Variants in KIAA1217 observed in about 807,000 individuals in gnomAD.
The protein encoded by KIAA1217 is KIAA1217, also known as sickle tail protein homolog.
A neutral mutation model predicts 163.9 loss-of-function variants in KIAA1217; 88 were observed. The observed-to-expected ratio is 0.54, with a 90% CI of 0.45 to 0.64. The LOEUF is 0.64. Among genes scored for constraint, KIAA1217 ranks in the 30% least tolerant of loss-of-function variants. KIAA1217 has a pLI of 0.00. For missense variants in KIAA1217, 2,372 were observed against 2,475.0 expected, an observed-to-expected ratio of 0.96 and a Z score of 0.88; for synonymous variants, 903 against 923.1, an observed-to-expected ratio of 0.98 and a Z score of 0.39.
At chr10:24,227,775 A>G (rs2070795955) in intron 2 of KIAA1217, among the ~76,000 whole-genome samples, 1 of 151,704 alleles carries the variant, frequency 6.6e-6, no homozygotes. Flanking sequence ...CTCATGATCC[A>G]CCCACCTCGG....
intron 1 of KIAA1217, among the ~76,000 whole-genome samples, chr10:23,936,764 G>C (rs1843545820): frequency 6.6e-6 from 1 of 152,190 alleles, no homozygotes; most frequent in Non-Finnish European, 1.5e-5. Flanking sequence ...ATACATTTCT[G>C]TTGTTTCAGG....
At chr10:23,792,549 G>C (rs1034005545) in intron 1 of KIAA1217, among the ~76,000 whole-genome samples, 1 of 151,788 alleles carries the variant, frequency 6.6e-6, no homozygotes, top group Non-Finnish European at 1.5e-5. Flanking sequence ...CTGGAGTGCA[G>C]TGATGCGATC....
chr10:24,248,725 T>C (rs2074140534), intron 2 of KIAA1217, among the ~76,000 whole-genome samples: 1 of 151,116 alleles, frequency 6.6e-6, no homozygotes, highest in Admixed American at 6.6e-5. Flanking sequence ...CCTTACCTCT[T>C]GCTAATTTGC....
At chr10:23,937,010 CTAGGACCA>C (rs1843559372) in intron 1 of KIAA1217, among the ~76,000 whole-genome samples, 1 of 152,092 alleles carries the variant, frequency 6.6e-6, no homozygotes, top group South Asian at 2.1e-4. Context: ...ACATGAGTAG[CTAGGACCA>C]TAGGCACCTG....
intron 1 of KIAA1217, among the ~76,000 whole-genome samples, chr10:23,900,347 C>T (rs912485601): frequency 5.9e-5 from 9 of 152,038 alleles, no homozygotes; most frequent in Non-Finnish European, 8.8e-5. Context: ...GTTGATTTTA[C>T]AATCCGCAGC....
intron 2 of KIAA1217, among the ~76,000 whole-genome samples, chr10:24,109,108 G>A (rs2062742461): frequency 6.6e-6 from 1 of 152,296 alleles, no homozygotes; most frequent in East Asian, 1.9e-4. Context: ...TGGTATTACA[G>A]GCATGAGCTA....
At position 24,316,288 on chromosome 10, in the gene KIAA1217, A is replaced by C. The variant is rs577793076; in HGVS notation, c.355-64581A>C. On this transcript the variant is annotated intron_variant, in intron 2 of 20. Transcript: ENST00000376454. Reference sequence around the variant, plus strand: ...GTTATATAGTATTATGTGTGTGTTTAAGGGCAGAGGGATGGTGTTATCTAA... The same window carrying C: ...GTTATATAGTATTATGTGTGTGTTTCAGGGCAGAGGGATGGTGTTATCTAA... Among the ~76,000 whole-genome samples the C allele has an allele frequency of 9.8e-4, 149 of 152,268 alleles. 1 individual carries two copies. In the Middle Eastern group the frequency reaches 0.027, roughly 28 times the overall value.
At chr10:23,927,056 T>C (rs1329066121) in intron 1 of KIAA1217, among the ~76,000 whole-genome samples, 1 of 151,736 alleles carries the variant, frequency 6.6e-6, no homozygotes. Context: ...CACAGGCATG[T>C]ACCACCATGC....
chr10:24,010,980 T>C (rs1462084546), intron 2 of KIAA1217, among the ~76,000 whole-genome samples: 1 of 152,088 alleles, frequency 6.6e-6, no homozygotes, highest in Non-Finnish European at 1.5e-5. Context: ...ATAAGTCCAA[T>C]CTCTCCTTAA....
At chr10:23,940,610 A>G (rs766417706) in intron 1 of KIAA1217, among the ~76,000 whole-genome samples, 2 of 152,202 alleles carry the variant, frequency 1.3e-5, no homozygotes, top group Non-Finnish European at 2.9e-5. Context: ...ATGTATAAAC[A>G]TTCTTTCCCA....
intron 5 of KIAA1217, chr10:24,466,438 A>T: frequency 1.4e-6 from 1 of 720,944 alleles, no homozygotes; most frequent in Middle Eastern, 7.1e-4. Context: ...CCCGTGAGGT[A>T]GCCTGTGGTT....
rs530359014 is a variant in KIAA1217 at position 24,027,378 on chromosome 10, A to G, written c.-171+20004A>G. Among the ~76,000 whole-genome samples, 51 of 152,236 alleles carry G rather than the reference A, an allele frequency of 3.4e-4. No individual in the cohort carries two copies. In the South Asian group the frequency reaches 0.01, roughly 30 times the overall value. On this transcript the variant is annotated intron_variant, in intron 2 of 18. Coordinates refer to the KIAA1217 transcript ENST00000376462. ...CGCAATATCTGAAAACTATTGTTTC[A>G]TATATTTTGTCTGTTTTCCTGGCTG...
At chr10:24,484,413 T>C (rs947747659) in intron 6 of KIAA1217, among the ~76,000 whole-genome samples, 2 of 151,096 alleles carry the variant, frequency 1.3e-5, no homozygotes, top group African/African-American at 4.9e-5. Context: ...GCCCAGCTAA[T>C]TTTTTGTATT....
chr10:24,453,434 G>A (rs1008703856), intron 5 of KIAA1217, among the ~76,000 whole-genome samples: 1 of 152,168 alleles, frequency 6.6e-6, no homozygotes, highest in Non-Finnish European at 1.5e-5. Flanking sequence ...CATGAGCCTG[G>A]ACTAAAAATA....
intron 1 of KIAA1217, among the ~76,000 whole-genome samples, chr10:23,698,141 G>A (rs977090587): frequency 3.3e-5 from 5 of 152,140 alleles, no homozygotes; most frequent in Admixed American, 1.3e-4. Flanking sequence ...TTGATGTAGA[G>A]CATTGCTTTG....
intron 10 of KIAA1217, among the ~76,000 whole-genome samples, chr10:24,513,963 T>C (rs2069622849): frequency 6.6e-6 from 1 of 152,204 alleles, no homozygotes. Context: ...TATCTTCCTA[T>C]TATTCAACTG....
At chr10:24,518,334 A>ATGCAAACTTCT (rs368995682) in intron 10 of KIAA1217, among the ~76,000 whole-genome samples, 45,346 of 152,096 alleles carry the variant, frequency 0.3, 7,063 homozygotes, top group Middle Eastern at 0.4. Flanking sequence ...TAGGTATCAT[A>ATGCAAACTTCT]AACGTTTGCA....
At chr10:23,699,766 A>C (rs1417577278) in intron 1 of KIAA1217, among the ~76,000 whole-genome samples, 1 of 152,232 alleles carries the variant, frequency 6.6e-6, no homozygotes, top group Non-Finnish European at 1.5e-5. Context: ...CTGGGATTAC[A>C]GGCATGAGCC....
intron 2 of KIAA1217, among the ~76,000 whole-genome samples, chr10:24,311,932 C>G (rs10159613): frequency 0.027 from 4,126 of 152,236 alleles, 198 homozygotes; most frequent in African/African-American, 0.094. Flanking sequence ...TTGTAAGACT[C>G]ATGAACTCTG....
Sources: gnomAD v4.1 joint callset for allele counts (sites outside exome capture counted in the v4.1 genomes callset) on GRCh38, gnomAD v4.1.1 for gene constraint, MANE v1.5 for transcripts, NCBI Gene and HGNC (gene_info 2026-07-23, HGNC 2026-07-21) for gene names.